The following WRAP53 variants were observed in gnomAD, a reference collection of about 807,000 sequenced individuals.
The protein encoded by WRAP53 is WD repeat containing antisense to TP53.
In WRAP53, 28 loss-of-function variants were observed where a neutral mutation model predicts 56.6. The observed-to-expected ratio is 0.50, with a 90% CI of 0.37 to 0.68. The LOEUF (loss-of-function observed/expected upper bound fraction) is 0.68. Among genes scored for constraint, WRAP53 ranks in the 30% least tolerant of loss-of-function variants. The pLI is 0.00. For synonymous variants in WRAP53, 283 were observed against 283.4 expected, an observed-to-expected ratio of 1.00 and a Z score of 0.01; for missense variants, 671 against 715.5, an observed-to-expected ratio of 0.94 and a Z score of 0.71.
intron 4 of WRAP53, among the ~76,000 whole-genome samples, chr17:7,699,868 G>A (rs993835469): frequency 1.3e-5 from 2 of 151,310 alleles, no homozygotes; most frequent in African/African-American, 4.9e-5. Context: ...CCTAGTAGCT[G>A]GGACTACAGG....
intron 4 of WRAP53, among the ~76,000 whole-genome samples, chr17:7,695,038 C>T (rs1002040453): frequency 6.6e-5 from 10 of 151,882 alleles, no homozygotes; most frequent in African/African-American, 2.4e-4. Context: ...CTGCAAGCTC[C>T]GCCTCCCGGG....
At position 7,701,762 on chromosome 17, in the gene WRAP53, C is replaced by T. The variant is rs761173739; in HGVS notation, c.928C>T (p.Arg310Ter). Reference sequence around the variant, plus strand: ...TGTTTTTTCCACGGCCCGGCCTGGCCGAGACTGCGAGGTCCGAGCCACATT... The same window carrying T: ...TGTTTTTTCCACGGCCCGGCCTGGCTGAGACTGCGAGGTCCGAGCCACATT... ...VRVFSTARPG[R>*]DCEVRATFAK... Residue 310 changes from arginine (R) to a stop codon, truncating the protein, a stop_gained, in exon 7 of 11, where the codon CGA becomes TGA. Transcript: ENST00000396463. LOFTEE classifies it high-confidence loss of function. The surrounding 1 kb of genome is among the most constrained non-coding windows in gnomAD (Gnocchi z 4.2). The T allele has an allele frequency of 4.3e-6, 7 of 1,613,884 alleles. No homozygotes were observed. Among genetic ancestry groups the T allele is most frequent in the African/African-American group, 2.7e-5 (2 of 74,920 alleles).
chr17:7,687,100 T>C (rs2074010655), upstream of WRAP53: 1 of 390,864 alleles, frequency 2.6e-6, no homozygotes, highest in African/African-American at 2.1e-5. Flanking sequence ...AAGTACGCTT[T>C]AGGCCGGCTC....
At chr17:7,694,855 C>CTTTTT (rs35283667) in intron 4 of WRAP53, among the ~76,000 whole-genome samples, 1 of 136,892 alleles carries the variant, frequency 7.3e-6, no homozygotes, top group Non-Finnish European at 1.6e-5. Context: ...CCTTTTTGTG[C>CTTTTT]TTTTTTTTTT....
Position 7,689,670 on chromosome 17 carries a change from A to G in WRAP53, c.611A>G (p.His204Arg), listed in dbSNP as rs2074082963. The G allele has an allele frequency of 6.2e-7, 1 of 1,614,152 alleles. No homozygotes were observed. Among genetic ancestry groups the G allele is most frequent in the Admixed American group, 1.7e-5 (1 of 60,018 alleles). Reference sequence around the variant, plus strand: ...TATAACCTGCCCCCAGAGCTGTACCATGAGGGGGAGCAGGTGGAATATGCA... The same window carrying G: ...TATAACCTGCCCCCAGAGCTGTACCGTGAGGGGGAGCAGGTGGAATATGCA... The part of the protein sequence containing the change: ...RIYNLPPELY[H>R]EGEQVEYAEM... The change falls in exon 4 of 11, where the codon CAT (histidine) becomes CGT (arginine). Residue 204 changes from histidine (H) to arginine (R), a missense_variant. Physicochemically the swap from His to Arg is conservative, Grantham distance 29. Transcript: ENST00000396463.
chr17:7,701,832 C>A lies in WRAP53; in HGVS notation c.955+43C>A. ...CAAGGGAGGAGGAGAGGGAAGGGCA[C>A]TGCCACCTGCACAGGGGCCTTTTGT... On this transcript the variant is annotated intron_variant, in intron 7 of 10. Transcript: ENST00000396463. This position sits in a 1 kb window ranked among gnomAD's most constrained non-coding sequence, Gnocchi z 4.2. The A allele has an allele frequency of 1.3e-6, 2 of 1,599,434 alleles. No individual in the cohort carries two copies. The highest frequency in any genetic ancestry group is 2.2e-5 in the South Asian group (2 of 89,346).
chr17:7,702,313 C>T lies in WRAP53; in HGVS notation c.956-31C>T, dbSNP rs759405865. ...CTGGTTAGTGCCAGGAGCCATTGCC[C>T]CCTCCCCCACTTTGTTCCTTCCCTC... On this transcript the variant is annotated intron_variant, in intron 7 of 10. Coordinates refer to ENST00000396463, the MANE Select transcript of WRAP53 (RefSeq NM_001143992.2). This position sits in a 1 kb window ranked among gnomAD's most constrained non-coding sequence, Gnocchi z 5.0. 6.2e-6 allele frequency: 10 copies of T among 1,612,330 alleles called. No homozygotes were observed. Among genetic ancestry groups the T allele is most frequent in the Non-Finnish European group, 7.6e-6 (9 of 1,178,410 alleles).
intron 4 of WRAP53, among the ~76,000 whole-genome samples, chr17:7,700,105 G>C (rs1358873817): frequency 6.6e-6 from 1 of 151,100 alleles, no homozygotes; most frequent in East Asian, 1.9e-4. Context: ...GTGGAGTGCA[G>C]TGGTGCGATC....
intron 4 of WRAP53, among the ~76,000 whole-genome samples, chr17:7,698,038 T>A (rs1476440927): frequency 6.6e-6 from 1 of 152,158 alleles, no homozygotes; most frequent in South Asian, 2.1e-4. Context: ...ACTAATTTTT[T>A]AATTTTTTGT....
In WRAP53 at chr17:7,702,251, T is replaced by C. The variant is rs1326319586; in HGVS notation, c.956-93T>C. On this transcript the variant is annotated intron_variant, in intron 7 of 10. Transcript: ENST00000396463. The surrounding 1 kb of genome is among the most constrained non-coding windows in gnomAD (Gnocchi z 5.0). The stretch of plus-strand genomic sequence containing the variant: ...ATGGGGGGGATGTTGAGTCCAAGCA[T>C]GTTGGTGCTGGGACGGGAGACAGAC... The C allele has an allele frequency of 7.5e-7, 1 of 1,341,274 alleles. No homozygotes were observed. Among genetic ancestry groups the C allele is most frequent in the Non-Finnish European group, 1.1e-6 (1 of 935,734 alleles). The allele number at this position is 1,341,274 out of a possible 1,614,324, so 83.1% of individuals were successfully genotyped here.
At chr17:7,687,794 G>T (rs1448597078), upstream of WRAP53, 15 of 395,724 alleles carry the variant, frequency 3.8e-5, no homozygotes, top group East Asian at 5.4e-4. Context: ...AAATATGAAG[G>T]GTGGAAGGAA....
intron 4 of WRAP53, among the ~76,000 whole-genome samples, chr17:7,699,502 T>TATATATATATATATATATATATA (rs1567577549): frequency 8.5e-5 from 1 of 11,762 alleles, no homozygotes; most frequent in Admixed American, 1.5e-3. Context: ...ATATATATAT[T>TATATATATATATATATATATATA]TATATATATA....
At chr17:7,699,476 T>TTATATTTATATATATA (rs2074235208) in intron 4 of WRAP53, among the ~76,000 whole-genome samples, 6 of 11,400 alleles carry the variant, frequency 5.3e-4, no homozygotes, top group Non-Finnish European at 8.1e-4. Flanking sequence ...ATATATATAT[T>TTATATTTATATATATA]TATATATATA....
intron 4 of WRAP53, among the ~76,000 whole-genome samples, chr17:7,699,144 G>T (rs2151093335): frequency 6.6e-6 from 1 of 151,698 alleles, no homozygotes; most frequent in South Asian, 2.1e-4. Flanking sequence ...CCTAGGCTGG[G>T]CGCAGTGGCT....
chr17:7,690,247 C>A (rs910406522), intron 4 of WRAP53, among the ~76,000 whole-genome samples: 6 of 152,190 alleles, frequency 3.9e-5, no homozygotes, highest in African/African-American at 1.2e-4. Flanking sequence ...CCGTGCCTGG[C>A]TTATAGCTAT....
upstream of WRAP53, chr17:7,688,371 G>A: frequency 1.9e-6 from 1 of 521,358 alleles, no homozygotes; most frequent in Non-Finnish European, 3.4e-6. Context: ...CGGGTTCCGT[G>A]GGTCGCCCGC....
Position 7,702,592 on chromosome 17 carries a change from C to T in WRAP53, c.1164+40C>T, listed in dbSNP as rs768615197. On this transcript the variant is annotated intron_variant, in intron 8 of 10. Transcript: ENST00000396463. The surrounding 1 kb of genome is among the most constrained non-coding windows in gnomAD (Gnocchi z 5.0). Reference sequence around the variant, plus strand: ...CTGAGAGCCCAAAGCAGCTGGGCAGCGGGGCAGGAGCAGGGATGTAGTCTG... The same window carrying T: ...CTGAGAGCCCAAAGCAGCTGGGCAGTGGGGCAGGAGCAGGGATGTAGTCTG... 5.6e-5 allele frequency: 89 copies of T among 1,597,524 alleles called. No homozygotes were observed. Among genetic ancestry groups the T allele is most frequent in the African/African-American group, 9.4e-5 (7 of 74,674 alleles).
intron 4 of WRAP53, among the ~76,000 whole-genome samples, chr17:7,690,926 C>CA (rs2074099084): frequency 6.9e-6 from 1 of 144,740 alleles, no homozygotes; most frequent in Non-Finnish European, 1.5e-5. Context: ...AACAACAAAA[C>CA]AGACTGGGCT....
chr17:7,691,834 G>GT (rs35471166), intron 4 of WRAP53, among the ~76,000 whole-genome samples: 19,605 of 150,550 alleles, frequency 0.13, 1,714 homozygotes, highest in East Asian at 0.3. Flanking sequence ...CATGAGAGAG[G>GT]TTTTTTTTGT....
Sources: allele counts gnomAD v4.1 joint callset (sites outside exome capture counted in the v4.1 genomes callset), GRCh38; gene constraint gnomAD v4.1.1; non-coding constraint Gnocchi (gnomAD v3.1); transcripts MANE v1.5; gene names NCBI Gene and HGNC (gene_info 2026-07-23, HGNC 2026-07-21).